SEMA3A: variants seen among roughly 807,000 people sequenced by gnomAD.
The protein encoded by SEMA3A is semaphorin-3A.
Under a neutral mutation model 97.9 loss-of-function variants are expected in SEMA3A, and 29 were observed. The observed-to-expected ratio is 0.30, with a 90% confidence interval of 0.22 to 0.40. SEMA3A has a LOEUF of 0.40. Among genes scored for constraint, SEMA3A ranks in the 10% least tolerant of loss-of-function variants. The pLI, the probability that SEMA3A is intolerant of heterozygous loss-of-function variation, is 1.00. For synonymous variants in SEMA3A, 321 were observed against 323.7 expected (o/e 0.99, Z 0.09); for missense variants, 763 against 951.3 (o/e 0.80, Z 2.60).
intron 1 of SEMA3A, among the ~76,000 whole-genome samples, chr7:84,418,848 G>C (rs1804507583): frequency 6.6e-6 from 1 of 151,802 alleles, no homozygotes; most frequent in Non-Finnish European, 1.5e-5. Flanking sequence ...CTGGGACATA[G>C]CCTTGTAACT....
intron 3 of SEMA3A, among the ~76,000 whole-genome samples, chr7:84,224,473 G>A (rs1562860513): frequency 1.3e-5 from 2 of 151,810 alleles, no homozygotes; most frequent in African/African-American, 2.4e-5. Context: ...AAGGGTAAGA[G>A]GTCACTTAAT....
rs559929416 is a variant in SEMA3A, at chr7:84,064,963, A to G, written c.454-4405T>C. ...ACTCTCCACCCCAAATCAACAGAATATACATTTTTTCGGCACCACACCACA... is the reference window on the plus strand; with the variant it reads ...ACTCTCCACCCCAAATCAACAGAATGTACATTTTTTCGGCACCACACCACA... On this transcript the variant is annotated intron_variant, in intron 4 of 16. Transcript: ENST00000265362. Among the ~76,000 whole-genome samples, 387 of 152,390 alleles carry G rather than the reference A, an allele frequency of 2.5e-3. 2 individuals carry two copies. The highest frequency in any genetic ancestry group is 8.8e-3 in the African/African-American group (365 of 41,584).
In SEMA3A at chr7:84,172,568, T is replaced by C. The variant is rs10282736; in HGVS notation, c.112+21907A>G. Among the ~76,000 whole-genome samples the C allele has an allele frequency of 4.9e-3, 751 of 152,048 alleles. 3 individuals carry two copies. The highest frequency in any genetic ancestry group is 0.016 in the African/African-American group (678 of 41,484). On this transcript the variant is annotated intron_variant, in intron 1 of 16. Coordinates refer to ENST00000265362, the MANE Select transcript of SEMA3A (RefSeq NM_006080.3). ...TCCCGAGTAGCTGGGACTACAGGCA[T>C]CCGCCACCACGCCCGGCTCATTTTT...
intron 6 of SEMA3A, among the ~76,000 whole-genome samples, chr7:84,041,210 G>T (rs2116487620): frequency 6.6e-6 from 1 of 152,062 alleles, no homozygotes; most frequent in Non-Finnish European, 1.5e-5. Flanking sequence ...CTTGCTAAAA[G>T]TCTTTATGTT....
chr7:84,428,515 T>A (rs921165356), intron 1 of SEMA3A, among the ~76,000 whole-genome samples: 3 of 152,048 alleles, frequency 2.0e-5, no homozygotes, highest in African/African-American at 7.2e-5. Context: ...TAGTTGTTCA[T>A]AAACAAGCTT....
intron 3 of SEMA3A, among the ~76,000 whole-genome samples, chr7:84,272,638 A>G (rs959485061): frequency 6.6e-6 from 1 of 151,970 alleles, no homozygotes; most frequent in African/African-American, 2.4e-5. Context: ...TCAAGCTTTT[A>G]TTGATTGTAA....
chr7:84,313,350 G>A lies in SEMA3A; in HGVS notation c.-168-6058C>T, dbSNP rs1376411524. 4.4e-4 allele frequency among the ~76,000 whole-genome samples: 17 copies of A among 38,682 alleles called. No homozygotes were observed. The East Asian group carries it at 4.5e-3, about 10-fold the overall frequency. 25.4% of individuals were successfully genotyped at this position (38,682 alleles called of 152,430 possible). On this transcript the variant is annotated intron_variant, in intron 2 of 3. Coordinates refer to the SEMA3A transcript ENST00000424555. Reference sequence around the variant, plus strand: ...AATACATATATATATATGTATATGTGTGTGTGTATATATATATATATATAT... The same window carrying A: ...AATACATATATATATATGTATATGTATGTGTGTATATATATATATATATAT...
chr7:84,273,647 G>C (rs1520111), intron 3 of SEMA3A, among the ~76,000 whole-genome samples: 2 of 152,130 alleles, frequency 1.3e-5, no homozygotes, highest in African/African-American at 2.4e-5. Flanking sequence ...ATCTGTTGTA[G>C]GCAGCATTGA....
rs766172409 is a variant in SEMA3A at position 84,011,289 on chromosome 7, A to G, written c.819T>C (p.Phe273=). 1 of 1,611,024 alleles carries G rather than the reference A, an allele frequency of 6.2e-7. No individual in the cohort carries two copies. Among genetic ancestry groups the G allele is most frequent in the Admixed American group, 1.7e-5 (1 of 59,978 alleles). Residue 273 remains phenylalanine (F), a synonymous_variant, in exon 8 of 17, where the codon TTT becomes TTC. Coordinates refer to ENST00000265362, the MANE Select transcript of SEMA3A (RefSeq NM_006080.3). ...ARIGQICKND[F]GGHRSLVNKW... is the part of the protein sequence containing the mutation. ...TATTCACCAGACTTCTGTGCCCTCC[A>G]AAGTCATTCTGAAAGAAGGGAACAC...
At chr7:84,187,045 T>C (rs1254192397) in intron 1 of SEMA3A, among the ~76,000 whole-genome samples, 2 of 152,126 alleles carry the variant, frequency 1.3e-5, no homozygotes, top group Admixed American at 1.3e-4. Flanking sequence ...AAAGGATGAC[T>C]TGGAGATGTA....
At chr7:84,477,622 G>C (rs1562960341) in intron 1 of SEMA3A, among the ~76,000 whole-genome samples, 1 of 151,944 alleles carries the variant, frequency 6.6e-6, no homozygotes, top group Non-Finnish European at 1.5e-5. Flanking sequence ...ATCATCTTGT[G>C]TGAAAAGAAG....
intron 1 of SEMA3A, among the ~76,000 whole-genome samples, chr7:84,480,828 G>A (rs1337144820): frequency 1.3e-5 from 2 of 152,152 alleles, no homozygotes; most frequent in African/African-American, 4.8e-5. Context: ...ATGTAGCAGT[G>A]AGTATTAAAT....
intron 1 of SEMA3A, among the ~76,000 whole-genome samples, chr7:84,411,087 A>G (rs1584303139): frequency 6.6e-6 from 1 of 152,046 alleles, no homozygotes; most frequent in Non-Finnish European, 1.5e-5. Flanking sequence ...GTGTGTGGGT[A>G]TATGTTTATG....
At chr7:83,965,099 A>ATT (rs11332458) in intron 15 of SEMA3A, among the ~76,000 whole-genome samples, 14 of 143,318 alleles carry the variant, frequency 9.8e-5, no homozygotes, top group Admixed American at 8.4e-4. Flanking sequence ...ACTTTTTTGT[A>ATT]TTTTTTTTTT....
intron 3 of SEMA3A, among the ~76,000 whole-genome samples, chr7:84,240,200 T>A (rs994358804): frequency 6.6e-5 from 10 of 152,258 alleles, no homozygotes; most frequent in African/African-American, 2.2e-4. Flanking sequence ...TAAAAATACA[T>A]AAGCAAATAT....
chr7:83,989,469 C>T (rs960391695), intron 12 of SEMA3A, among the ~76,000 whole-genome samples: 1 of 116,412 alleles, frequency 8.6e-6, no homozygotes, highest in South Asian at 3.8e-4. Flanking sequence ...CCTCCCCCCT[C>T]CCCCCACCCC....
At chr7:83,972,032 T>TGTATATATGG (rs1673259272) in intron 15 of SEMA3A, among the ~76,000 whole-genome samples, 1 of 151,568 alleles carries the variant, frequency 6.6e-6, no homozygotes, top group South Asian at 2.1e-4. Context: ...TCTATATATG[T>TGTATATATGG]GTATGGATGT....
chr7:83,979,143 T>C (rs1324959123), intron 14 of SEMA3A, among the ~76,000 whole-genome samples: 1 of 151,846 alleles, frequency 6.6e-6, no homozygotes, highest in African/African-American at 2.4e-5. Context: ...CTTTTTTTTT[T>C]TTTTTTTCGA....
At chr7:83,980,967 T>A (rs1280979742) in intron 14 of SEMA3A, among the ~76,000 whole-genome samples, 2 of 152,146 alleles carry the variant, frequency 1.3e-5, no homozygotes, top group Non-Finnish European at 2.9e-5. Context: ...TTCCTTTCTC[T>A]GATCATTTTC....
Sources: gnomAD v4.1 joint callset for allele counts (sites outside exome capture counted in the v4.1 genomes callset) on GRCh38, gnomAD v4.1.1 for gene constraint, MANE v1.5 for transcripts, NCBI Gene and HGNC (gene_info 2026-07-23, HGNC 2026-07-21) for gene names.